SP110: variants seen among roughly 807,000 people sequenced by gnomAD.
SP110 encodes the protein SP110 nuclear body protein.
Under a neutral mutation model 92.7 loss-of-function variants are expected in SP110, and 62 were observed. The ratio of observed to expected loss-of-function variants is 0.67; its 90% CI spans 0.55 to 0.83. The LOEUF is 0.83. Among genes scored for constraint, SP110 ranks in the 40% least tolerant of loss-of-function variants. The pLI is 0.00. For synonymous variants in SP110, 273 were observed against 305.3 expected (o/e 0.89, Z 1.10); for missense variants, 793 against 863.9 (o/e 0.92, Z 1.03).
At chr2:230,175,211 A>G (rs1382048520) in intron 14 of SP110, among the ~76,000 whole-genome samples, 2 of 152,158 alleles carry the variant, frequency 1.3e-5, no homozygotes, top group Non-Finnish European at 2.9e-5. Context: ...CGTTCACATA[A>G]GCAACAATGG....
intron 3 of SP110, among the ~76,000 whole-genome samples, 158 bp downstream of exon 3, chr2:230,214,792 G>A (rs1457314761): frequency 6.6e-6 from 1 of 152,106 alleles, no homozygotes; most frequent in Non-Finnish European, 1.5e-5. Context: ...TTTAGCAAGG[G>A]GCTGCTCCTG....
intron 10 of SP110, among the ~76,000 whole-genome samples, chr2:230,197,932 G>A (rs774870444): frequency 2.6e-5 from 4 of 152,332 alleles, no homozygotes; most frequent in Non-Finnish European, 5.9e-5. Flanking sequence ...GATTACAGGT[G>A]TGAGCTACCA....
chr2:230,199,504 G>T lies in SP110; in HGVS notation c.1129+1381C>A, dbSNP rs60347946. 9.7e-3 allele frequency among the ~76,000 whole-genome samples: 1,470 copies of T among 151,966 alleles called. 69 individuals are homozygous for T. Among genetic ancestry groups the T allele is most frequent in the Admixed American group, 0.062 (943 of 15,252 alleles). On this transcript the variant is annotated intron_variant, in intron 10 of 18. Transcript: ENST00000258381. Reference sequence around the variant, plus strand: ...GATTATAGGCATGAGCCACTGTGCTGGGCCAGCAACATAATCCTAATGGTG... The same window carrying T: ...GATTATAGGCATGAGCCACTGTGCTTGGCCAGCAACATAATCCTAATGGTG...
upstream of SP110, among the ~76,000 whole-genome samples, chr2:230,224,533 GGAGA>G (rs138737381): frequency 2.7e-5 from 4 of 150,724 alleles, no homozygotes; most frequent in South Asian, 2.1e-4. Flanking sequence ...GAGAGAGAGA[GGAGA>G]GAGAGAGAGA....
intron 11 of SP110, among the ~76,000 whole-genome samples, chr2:230,185,572 T>TA: frequency 6.6e-6 from 1 of 152,292 alleles, no homozygotes; most frequent in Non-Finnish European, 1.5e-5. Flanking sequence ...TGTCCTAACT[T>TA]AAAAATGCAG....
In SP110 at chr2:230,215,096, T is replaced by C; in HGVS notation, c.170A>G (p.Asn57Ser). Residue 57 changes from asparagine to serine, a missense_variant, in exon 3 of 19, where the codon AAT (asparagine) becomes AGT (serine). Coordinates refer to ENST00000258381, the MANE Select transcript of SP110 (RefSeq NM_080424.4). ...MYMESLEACR[N>S]LIPVSRVVHN... Reference sequence around the variant, plus strand: ...CACCACTCTGGATACAGGGATCAAATTTCTACAGGCTTCCAGAGATTCCTA... The same window carrying C: ...CACCACTCTGGATACAGGGATCAAACTTCTACAGGCTTCCAGAGATTCCTA... 5 of 1,613,892 alleles carry C rather than the reference T, an allele frequency of 3.1e-6. No individual in the cohort carries two copies. The highest frequency in any genetic ancestry group is 4.2e-6 in the Non-Finnish European group (5 of 1,179,762).
chr2:230,191,214 C>A (rs1327797316), intron 10 of SP110, among the ~76,000 whole-genome samples: 2 of 152,060 alleles, frequency 1.3e-5, no homozygotes, highest in African/African-American at 4.8e-5. Context: ...GACACCCTAA[C>A]ATCACAATTA....
Position 230,172,296 on chromosome 2 carries a change from A to G in SP110, c.1707-122T>C, listed in dbSNP as rs1315241821. On this transcript the variant is annotated intron_variant, in intron 15 of 18. Coordinates refer to ENST00000258381, the MANE Select transcript of SP110 (RefSeq NM_080424.4). ...CAGCCATGAGGGTGGGACACCTCCCAGAGTGTCCAAGATCCCCACATGGGG... is the reference window on the plus strand; with the variant it reads ...CAGCCATGAGGGTGGGACACCTCCCGGAGTGTCCAAGATCCCCACATGGGG... 4 of 752,004 alleles carry G rather than the reference A, an allele frequency of 5.3e-6. No homozygotes were observed. The East Asian group carries it at 1.0e-4, about 19-fold the overall frequency. The allele number at this position is 752,004 out of a possible 1,614,324, so 46.6% of individuals were successfully genotyped here. A position where few individuals can be genotyped will look rare whatever the true frequency, so the allele number is the denominator to read the frequency against.
intron 14 of SP110, chr2:230,176,326 C>T (rs2041858099): frequency 2.1e-6 from 1 of 466,074 alleles, no homozygotes. Flanking sequence ...ACTACAGGTG[C>T]ACACCACCAT....
At chr2:230,194,222 G>A (rs929001258) in intron 10 of SP110, among the ~76,000 whole-genome samples, 12 of 152,114 alleles carry the variant, frequency 7.9e-5, no homozygotes, top group African/African-American at 2.9e-4. Context: ...TTCCCAGGCT[G>A]GCTCCCATAA....
At chr2:230,216,280 A>G (rs1227526246) in intron 2 of SP110, among the ~76,000 whole-genome samples, 1 of 152,244 alleles carries the variant, frequency 6.6e-6, no homozygotes, top group Non-Finnish European at 1.5e-5. Context: ...ATCTTGAGAT[A>G]AAATCATCTT....
Position 230,214,961 on chromosome 2 carries a change from CT to C in SP110, c.304del (p.Ser102AlafsTer26). ...AGAAATCTCATTACCACGTTTGAAG[CT>C]TCTGTAAATCGTCACCAGATTGGGA... ...EYPNLVTIYR[S>X]FKRVGASYEW... On this transcript the variant is annotated frameshift_variant, in exon 3 of 19. Coordinates refer to ENST00000258381, the MANE Select transcript of SP110 (RefSeq NM_080424.4). LOFTEE classifies it high-confidence loss of function. 6.2e-7 allele frequency: 1 copy of C among 1,613,958 alleles called. No homozygotes were observed. The highest frequency in any genetic ancestry group is 8.5e-7 in the Non-Finnish European group (1 of 1,179,836).
At chr2:230,198,970 A>G (rs1383652453) in intron 10 of SP110, among the ~76,000 whole-genome samples, 2 of 151,976 alleles carry the variant, frequency 1.3e-5, no homozygotes, top group African/African-American at 4.8e-5. Flanking sequence ...TTTAGCTGGA[A>G]CATAGACATG....
chr2:230,177,710 C>G (rs552408338), intron 13 of SP110, 30 bp from the exon 14 acceptor site: 3 of 1,612,144 alleles, frequency 1.9e-6, no homozygotes, highest in South Asian at 2.2e-5. Flanking sequence ...CTTGGATCTA[C>G]CCCCATCCTC....
chr2:230,174,496 T>C (rs1378616961), intron 14 of SP110, among the ~76,000 whole-genome samples: 1 of 152,204 alleles, frequency 6.6e-6, no homozygotes, highest in Admixed American at 6.5e-5. Flanking sequence ...CCTCCTCTCA[T>C]GCCTCCTGGC....
chr2:230,200,795 A>G, intron 10 of SP110, 90 bp downstream of exon 10: 1 of 1,054,820 alleles, frequency 9.5e-7, no homozygotes, highest in Admixed American at 1.7e-5. Context: ...ATGAAAAAAA[A>G]AAGTTAAGAA....
At chr2:230,192,698 A>C (rs1014323697) in intron 10 of SP110, among the ~76,000 whole-genome samples, 6 of 152,232 alleles carry the variant, frequency 3.9e-5, no homozygotes, top group African/African-American at 1.4e-4. Flanking sequence ...GGAAATGGCC[A>C]TACTGCCCAA....
chr2:230,223,487 T>C (rs1479352618), upstream of SP110, among the ~76,000 whole-genome samples: 1 of 152,228 alleles, frequency 6.6e-6, no homozygotes, highest in East Asian at 1.9e-4. Flanking sequence ...CTACCCAATA[T>C]AGTTCTAAGA....
Position 230,179,140 on chromosome 2 carries a change from C to A in SP110, c.1349-885G>T, listed in dbSNP as rs117975404. On this transcript the variant is annotated intron_variant, in intron 12 of 18. Coordinates refer to ENST00000258381, the MANE Select transcript of SP110 (RefSeq NM_080424.4). ...ACAAATGGCAAAACAAGAGCATTGA[C>A]GGAAAGGTGAAGGAACAGTATCAGC... Among the ~76,000 whole-genome samples, 177 of 152,228 alleles carry A rather than the reference C, an allele frequency of 1.2e-3. No individual in the cohort carries two copies. The East Asian group carries it at 0.03, about 26-fold the overall frequency.
Sources: gnomAD v4.1 joint callset for allele counts (sites outside exome capture counted in the v4.1 genomes callset) on GRCh38, gnomAD v4.1.1 for gene constraint, MANE v1.5 for transcripts, NCBI Gene and HGNC (gene_info 2026-07-23, HGNC 2026-07-21) for gene names.